TSNARE1: variants seen among roughly 807,000 people sequenced by gnomAD.
TSNARE1 encodes the protein t-SNARE domain containing 1.
A neutral mutation model predicts 62.0 loss-of-function variants in TSNARE1; 49 were observed. The ratio of observed to expected loss-of-function variants is 0.79; its 90% CI spans 0.63 to 1.00. The LOEUF is 1.00. TSNARE1 is among the 50% of genes least tolerant of loss of function. TSNARE1 has a pLI of 0.00. For synonymous variants in TSNARE1, 328 were observed against 294.4 expected (o/e 1.11, Z -1.17); for missense variants, 755 against 700.1 (o/e 1.08, Z -0.88).
chr8:142,268,181 A>G lies in TSNARE1; in HGVS notation c.1446+6600T>C, dbSNP rs537152851. On this transcript the variant is annotated intron_variant, in intron 12 of 13. Coordinates refer to ENST00000524325, the MANE Select transcript of TSNARE1 (RefSeq NM_145003.5). ...ATTCCATGCCCCCACTGGATGATGG[A>G]GCTTCATGGACAGCCATCTGCTGTC... Among the ~76,000 whole-genome samples the G allele has an allele frequency of 3.3e-5, 5 of 152,220 alleles. No homozygotes were observed. In the South Asian group the frequency reaches 1.0e-3, roughly 32 times the overall value.
At chr8:142,283,506 GGACC>G (rs1822087809) in intron 11 of TSNARE1, among the ~76,000 whole-genome samples, 1 of 146,932 alleles carries the variant, frequency 6.8e-6, no homozygotes, top group African/African-American at 2.6e-5. Context: ...AGCGGAGGCG[GGACC>G]AGTGTCTGTC....
chr8:142,276,105 C>G, intron 11 of TSNARE1: 1 of 985,422 alleles, frequency 1.0e-6, no homozygotes, highest in Non-Finnish European at 1.2e-6. Flanking sequence ...CGCAGGCACT[C>G]GCAGACACAC....
intron 12 of TSNARE1, among the ~76,000 whole-genome samples, chr8:142,232,089 C>A (rs1489135053): frequency 6.6e-6 from 1 of 152,260 alleles, no homozygotes; most frequent in East Asian, 1.9e-4. Context: ...CACTGCCAGA[C>A]CGTGGCCTTG....
At chr8:142,269,473 CGT>C in intron 12 of TSNARE1, 1 of 985,436 alleles carries the variant, frequency 1.0e-6, no homozygotes, top group South Asian at 4.7e-5. Context: ...CACTGTCAGC[CGT>C]GCTGGGTATC....
At chr8:142,273,118 C>T (rs375988745) in intron 12 of TSNARE1, 1 of 985,460 alleles carries the variant, frequency 1.0e-6, no homozygotes, top group Non-Finnish European at 1.2e-6. Context: ...CACAGGCTCA[C>T]TGGGAATGCG....
intron 1 of TSNARE1, among the ~76,000 whole-genome samples, chr8:142,398,750 C>A (rs1467544630): frequency 6.6e-6 from 1 of 152,208 alleles, no homozygotes; most frequent in Admixed American, 6.5e-5. Flanking sequence ...ATGGCAGGGG[C>A]AGGGGCTGGG....
intron 12 of TSNARE1, among the ~76,000 whole-genome samples, chr8:142,268,259 G>A (rs1334375263): frequency 6.6e-6 from 1 of 152,224 alleles, no homozygotes; most frequent in Non-Finnish European, 1.5e-5. Context: ...TCAGGAAACT[G>A]TCCTAGAGTG....
At chr8:142,296,983 A>C (rs1824861724) in intron 10 of TSNARE1, among the ~76,000 whole-genome samples, 1 of 152,088 alleles carries the variant, frequency 6.6e-6, no homozygotes, top group South Asian at 2.1e-4. Flanking sequence ...TCACTTCCAC[A>C]CGGCCCGCTA....
At chr8:142,370,737 T>C (rs1835859006) in intron 1 of TSNARE1, among the ~76,000 whole-genome samples, 1 of 151,844 alleles carries the variant, frequency 6.6e-6, no homozygotes, top group Non-Finnish European at 1.5e-5. Context: ...GAATACAGAC[T>C]GCATGCAAAG....
At position 142,273,136 on chromosome 8, in the gene TSNARE1, G is replaced by C. The variant is rs567006655; in HGVS notation, c.1446+1645C>G. 8 of 985,268 alleles carry C rather than the reference G, an allele frequency of 8.1e-6. No homozygotes were observed. The East Asian group carries it at 7.9e-4, about 98-fold the overall frequency. 61.0% of individuals were successfully genotyped at this position (985,268 alleles called of 1,614,324 possible). On this transcript the variant is annotated intron_variant, in intron 12 of 13. Transcript: ENST00000524325. ...AGGCTCACTGGGAATGCGGCACGGCGTCCATGGCACAGGTGGCTGGCCCAG... is the reference window on the plus strand; with the variant it reads ...AGGCTCACTGGGAATGCGGCACGGCCTCCATGGCACAGGTGGCTGGCCCAG...
intron 6 of TSNARE1, among the ~76,000 whole-genome samples, chr8:142,330,453 C>T (rs548796640): frequency 6.6e-6 from 1 of 152,252 alleles, no homozygotes; most frequent in East Asian, 1.9e-4. Context: ...GAAGCAAGAT[C>T]GGACGCCCCA....
At chr8:142,371,503 G>A (rs1489796264) in intron 1 of TSNARE1, among the ~76,000 whole-genome samples, 2 of 152,178 alleles carry the variant, frequency 1.3e-5, no homozygotes, top group Admixed American at 6.5e-5. Flanking sequence ...AAATTTTATT[G>A]TATATAAATT....
chr8:142,330,948 A>G lies in TSNARE1; in HGVS notation c.846T>C (p.Leu282=). ...TGTCACTCGGTGTCCCTAAGGACTG[A>G]AGGCTCCGCTCCAAGGAGGTCACTG... The part of the protein sequence containing the change: ...NSSVTSLERS[L]QSLGTPSDTQ... The change falls in exon 6 of 14, where the codon CTT becomes CTC. Residue 282 remains leucine, a synonymous_variant. Coordinates refer to ENST00000524325, the MANE Select transcript of TSNARE1 (RefSeq NM_145003.5). 1 of 1,614,060 alleles carries G rather than the reference A, an allele frequency of 6.2e-7. No homozygotes were observed. Among genetic ancestry groups the G allele is most frequent in the Non-Finnish European group, 8.5e-7 (1 of 1,179,976 alleles).
chr8:142,236,187 C>T (rs1012857403), intron 12 of TSNARE1, among the ~76,000 whole-genome samples: 9 of 152,246 alleles, frequency 5.9e-5, no homozygotes, highest in African/African-American at 1.9e-4. Flanking sequence ...TCTGTTACAA[C>T]GAGCCTCCCT....
At chr8:142,381,241 G>A (rs1298273319) in intron 1 of TSNARE1, among the ~76,000 whole-genome samples, 4 of 152,224 alleles carry the variant, frequency 2.6e-5, no homozygotes, top group Non-Finnish European at 5.9e-5. Flanking sequence ...ACCCAGCCCA[G>A]GTCCCTGTCG....
intron 11 of TSNARE1, among the ~76,000 whole-genome samples, chr8:142,282,692 G>C (rs1821799746): frequency 6.7e-6 from 1 of 149,768 alleles, no homozygotes; most frequent in South Asian, 2.1e-4. Flanking sequence ...TCAATGAGCA[G>C]AGGCGGGGCC....
intron 4 of TSNARE1, among the ~76,000 whole-genome samples, chr8:142,335,106 G>A (rs946691224): frequency 2.0e-5 from 3 of 152,186 alleles, no homozygotes; most frequent in Admixed American, 1.3e-4. Context: ...TATAAATGAC[G>A]TGTGGTCCTG....
At chr8:142,274,356 C>A (rs1820070805) in intron 12 of TSNARE1, 1 of 985,448 alleles carries the variant, frequency 1.0e-6, no homozygotes, top group African/African-American at 1.7e-5. Flanking sequence ...AAAATAAAGG[C>A]CTGAGCTTTC....
chr8:142,279,928 C>A (rs1475884499), intron 11 of TSNARE1: 9 of 1,051,672 alleles, frequency 8.6e-6, no homozygotes, highest in Admixed American at 1.2e-4. Context: ...TGCCACCATG[C>A]GCTCCACAGG....
Sources: allele counts gnomAD v4.1 joint callset (sites outside exome capture counted in the v4.1 genomes callset), GRCh38; gene constraint gnomAD v4.1.1; transcripts MANE v1.5; gene names NCBI Gene and HGNC (gene_info 2026-07-23, HGNC 2026-07-21).